The following MYL6B variants were observed in gnomAD, a reference collection of about 807,000 sequenced individuals.
The protein encoded by MYL6B is myosin alkali light chain 1 slow a.
Under a neutral mutation model 24.5 loss-of-function variants are expected in MYL6B, and 19 were observed. The ratio of observed to expected loss-of-function variants is 0.78; its 90% CI spans 0.54 to 1.14. The LOEUF is 1.14. Among genes scored for constraint, MYL6B ranks in the 50% most tolerant of loss-of-function variants. The probability of loss-of-function intolerance (pLI) is 0.00; values close to 1 mark genes in which losing one functional copy is unlikely to be tolerated. For synonymous variants in MYL6B, 90 were observed against 100.7 expected, an observed-to-expected ratio of 0.89 and a Z score of 0.64; for missense variants, 230 against 263.8, an observed-to-expected ratio of 0.87 and a Z score of 0.89.
intron 5 of MYL6B, chr12:56,156,164 G>A: frequency 3.3e-6 from 1 of 304,148 alleles, no homozygotes; most frequent in Non-Finnish European, 5.0e-6. Flanking sequence ...AAACTAGGCG[G>A]GCATGGTGGC....
At chr12:56,157,644 A>T (rs1460411175) in intron 6 of MYL6B, 54 bp from the exon 7 acceptor site, 6 of 1,613,224 alleles carry the variant, frequency 3.7e-6, no homozygotes, top group Non-Finnish European at 5.1e-6. Context: ...CTAGAGTCAG[A>T]TGTATTATCC....
At chr12:56,152,697 T>TGTGTGTGTC (rs1435566112) in intron 1 of MYL6B, 66 bp downstream of exon 1, 2 of 151,468 alleles carry the variant, frequency 1.3e-5, no homozygotes, top group African/African-American at 4.9e-5. Context: ...TGAGTGTGTG[T>TGTGTGTGTC]GTGTGTGTGT....
At chr12:56,154,959 C>A in intron 3 of MYL6B, 96 bp from the exon 4 acceptor site, 1 of 1,563,450 alleles carries the variant, frequency 6.4e-7, no homozygotes. Flanking sequence ...CTCTTTTCCT[C>A]CCTTGTTCTG....
rs3759096 is a variant in MYL6B, at chr12:56,153,026, C to G, written c.-47+395C>G. On this transcript the variant is annotated intron_variant, in intron 1 of 6. Transcript: ENST00000553066. ...GTGAATACTCATGGAGCCATAGGAG[C>G]GCCCACATCCTCTTGGATTAGGGAA... Among the ~76,000 whole-genome samples, 108 of 152,106 alleles carry G rather than the reference C, an allele frequency of 7.1e-4. 4 individuals carry two copies. The East Asian group carries it at 0.012, about 17-fold the overall frequency.
intron 1 of MYL6B, chr12:56,153,335 C>T (rs778978653): frequency 9.3e-6 from 7 of 749,000 alleles, no homozygotes; most frequent in Non-Finnish European, 1.1e-5. Context: ...TGGGTGGGGG[C>T]TCAGGAACTA....
chr12:56,157,257 G>A (rs1871357261), intron 5 of MYL6B: 1 of 519,588 alleles, frequency 1.9e-6, no homozygotes, highest in South Asian at 2.2e-5. Context: ...TTAGCCGGGC[G>A]CCTGTAATCC....
rs539237045 is a variant in MYL6B, at chr12:56,157,877, C to T, written c.*151C>T. On this transcript the variant is annotated 3_prime_UTR_variant, in exon 7 of 7. Coordinates refer to ENST00000553066, the Ensembl canonical transcript of MYL6B. ...GCGCTTCGCAACTTTGGTTTTTTTC[C>T]ACAGATCCAGTGGGGTCCGGACACT... 1.1e-6 allele frequency: 1 copy of T among 930,988 alleles called. No homozygotes were observed. The highest frequency in any genetic ancestry group is 1.6e-6 in the Non-Finnish European group (1 of 621,482). The allele number at this position is 930,988 out of a possible 1,614,324, so 57.7% of individuals were successfully genotyped here. A position where few individuals can be genotyped will look rare whatever the true frequency, so the allele number is the denominator to read the frequency against.
intron 5 of MYL6B, chr12:56,156,044 G>A (rs1478440289): frequency 5.5e-6 from 6 of 1,095,194 alleles, no homozygotes; most frequent in Non-Finnish European, 5.6e-6. Flanking sequence ...GGTGGCTCAC[G>A]CCTGTAATCC....
chr12:56,156,017 G>A (rs1464874856), intron 5 of MYL6B: 9 of 1,133,152 alleles, frequency 7.9e-6, no homozygotes, highest in East Asian at 8.0e-5. Context: ...TCTAAAGAGC[G>A]TGGCCTGGCC....
exon 5 of MYL6B, chr12:56,155,576 T>A: frequency 6.2e-7 from 1 of 1,612,960 alleles, no homozygotes; most frequent in South Asian, 1.1e-5. Context: ...AGCTCAGACA[T>A]GTTCTCACCA....
At chr12:56,155,068 C>G in exon 4 of MYL6B, 1 of 1,612,508 alleles carries the variant, frequency 6.2e-7, no homozygotes, top group South Asian at 1.1e-5. Context: ...TCAAGGAGGC[C>G]TTCGAGCTGT....
At chr12:56,157,166 A>ACTTT (rs1871353040) in intron 5 of MYL6B, 2 of 300,494 alleles carry the variant, frequency 6.7e-6, no homozygotes, top group Non-Finnish European at 6.3e-6. Context: ...AGGCCGAGGC[A>ACTTT]GGTGTATGAC....
chr12:56,157,688 C>T lies in MYL6B; in HGVS notation c.599-10C>T, dbSNP rs775369767. On this transcript the variant is annotated splice_polypyrimidine_tract_variant and intron_variant, in intron 6 of 6. Coordinates refer to ENST00000553066, the Ensembl canonical transcript of MYL6B. ...GCTTCTGAAGCCCCTCTTGCCTCCT[C>T]TCTCTGCAGCCTTCTTGAAACACAT... The T allele has an allele frequency of 1.2e-6, 2 of 1,613,170 alleles. No homozygotes were observed. The highest frequency in any genetic ancestry group is 1.7e-6 in the Non-Finnish European group (2 of 1,180,022).
intron 1 of MYL6B, among the ~76,000 whole-genome samples, chr12:56,153,067 A>G (rs1022401295): frequency 2.6e-5 from 4 of 152,070 alleles, no homozygotes; most frequent in Non-Finnish European, 4.4e-5. Context: ...GCCGTCTCCC[A>G]GAGCCTGCCC....
In MYL6B at chr12:56,157,751, C is replaced by T. The variant is rs1344265019; in HGVS notation, c.*25C>T. On this transcript the variant is annotated 3_prime_UTR_variant, in exon 7 of 7. Coordinates refer to ENST00000553066, the Ensembl canonical transcript of MYL6B. ...AGTGCTGCAGGTAGGGCCCTCCCAC[C>T]CCTTCGCCGCGCCTTACGAGGCAAG... The T allele has an allele frequency of 1.9e-6, 3 of 1,609,346 alleles. No homozygotes were observed. Among genetic ancestry groups the T allele is most frequent in the Non-Finnish European group, 2.5e-6 (3 of 1,179,672 alleles).
chr12:56,153,455 T>C, intron 1 of MYL6B: 1 of 985,984 alleles, frequency 1.0e-6, no homozygotes, highest in South Asian at 4.7e-5. Flanking sequence ...TTTTTGTCAT[T>C]GCTCCCAGAC....
chr12:56,155,863 TACAAGTCTCGTA>T, intron 5 of MYL6B: 1 of 1,336,806 alleles, frequency 7.5e-7, no homozygotes, highest in South Asian at 1.5e-5. Flanking sequence ...TGTGTTCTGG[TACAAGTCTCGTA>T]ACCTCCTGGG....
chr12:56,156,113 C>T, intron 5 of MYL6B: 1 of 757,518 alleles, frequency 1.3e-6, no homozygotes, highest in South Asian at 3.7e-5. Flanking sequence ...CGAGACCGGC[C>T]TGGCCAACAT....
At chr12:56,157,936 A>G (rs1413684028) in exon 7 of MYL6B, 1 of 605,296 alleles carries the variant, frequency 1.7e-6, no homozygotes, top group Non-Finnish European at 2.9e-6. Flanking sequence ...TCCAGCCACC[A>G]GGAGGCCACC....
Sources: gnomAD v4.1 joint callset for allele counts (sites outside exome capture counted in the v4.1 genomes callset) on GRCh38, gnomAD v4.1.1 for gene constraint, MANE v1.5 for transcripts, NCBI Gene and HGNC (gene_info 2026-07-23, HGNC 2026-07-21) for gene names.